Variants in ZNF462 observed in about 807,000 individuals in gnomAD.
ZNF462 encodes zinc finger protein 462.
In ZNF462, 10 loss-of-function variants were observed where a neutral mutation model predicts 201.9. The observed-to-expected ratio is 0.05, with a 90% confidence interval of 0.03 to 0.08. The LOEUF is 0.08. Ranked by LOEUF, ZNF462 falls within the 10% of genes least tolerant of loss-of-function variation. The pLI is 1.00. For missense variants in ZNF462, 2,523 were observed against 3,168.3 expected (o/e 0.80, Z 4.89); for synonymous variants, 1,227 against 1,193.3 (o/e 1.03, Z -0.58).
intron 7 of ZNF462, among the ~76,000 whole-genome samples, chr9:106,945,513 A>G (rs1320405133): frequency 6.6e-6 from 1 of 152,214 alleles, no homozygotes; most frequent in African/African-American, 2.4e-5. Context: ...TTTCTTTAAA[A>G]ACGACAATCA....
rs1166184523 is a variant in ZNF462, at chr9:106,963,652, A to G, written c.6428-8353A>G. The stretch of plus-strand genomic sequence containing the variant: ...AAGTTTGTAAGGAACCTAACAGATG[A>G]TCTTGTCTAAAGGCACCTAAAAAAA... On this transcript the variant is annotated intron_variant, in intron 7 of 12. Coordinates refer to ENST00000277225, the MANE Select transcript of ZNF462 (RefSeq NM_021224.6). The surrounding 1 kb of genome is among the most constrained non-coding windows in gnomAD (Gnocchi z 4.7). 6.6e-6 allele frequency among the ~76,000 whole-genome samples: 1 copy of G among 152,090 alleles called. No homozygotes were observed. The highest frequency in any genetic ancestry group is 2.4e-5 in the African/African-American group (1 of 41,428).
intron 1 of ZNF462, among the ~76,000 whole-genome samples, chr9:106,871,687 G>T (rs1827597944): frequency 6.6e-6 from 1 of 152,152 alleles, no homozygotes; most frequent in African/African-American, 2.4e-5. Context: ...GTGACTTTGG[G>T]GTTACAATTA....
Position 106,954,848 on chromosome 9 carries a change from G to A in ZNF462, c.6427+15741G>A, listed in dbSNP as rs1222367182. 6.6e-6 allele frequency among the ~76,000 whole-genome samples: 1 copy of A among 152,148 alleles called. No individual in the cohort carries two copies. The highest frequency in any genetic ancestry group is 1.5e-5 in the Non-Finnish European group (1 of 68,026). On this transcript the variant is annotated intron_variant, in intron 7 of 12. Transcript: ENST00000277225. The surrounding 1 kb of genome is among the most constrained non-coding windows in gnomAD (Gnocchi z 4.0). ...GTCTACTGACTCCATAATATTACCAGGAGGGAGCTCTTTAGGAGCAGGGTT... is the reference window on the plus strand; with the variant it reads ...GTCTACTGACTCCATAATATTACCAAGAGGGAGCTCTTTAGGAGCAGGGTT...
In ZNF462 at chr9:106,930,980, G is replaced by A. The variant is rs1031560050; in HGVS notation, c.6012+291G>A. The A allele has an allele frequency of 2.7e-5, 8 of 291,170 alleles. No individual in the cohort carries two copies. Among genetic ancestry groups the A allele is most frequent in the African/African-American group, 6.4e-5 (3 of 47,230 alleles). 18.0% of individuals were successfully genotyped at this position (291,170 alleles called of 1,614,324 possible). On this transcript the variant is annotated intron_variant, in intron 4 of 12. Coordinates refer to ENST00000277225, the MANE Select transcript of ZNF462 (RefSeq NM_021224.6). The surrounding 1 kb of genome is among the most constrained non-coding windows in gnomAD (Gnocchi z 5.8). ...GCTTCGGGTCGTCCTTCTATTCTGC[G>A]TTTAGTGCCATTAGCTCTTCGTTCT...
chr9:106,909,096 G>A (rs1588037586), intron 1 of ZNF462, among the ~76,000 whole-genome samples: 1 of 149,792 alleles, frequency 6.7e-6, no homozygotes. Context: ...CCGAGCAGCT[G>A]GGATTATAGG....
Position 106,923,067 on chromosome 9 carries a change from A to C in ZNF462, c.-30-287A>C. Among the ~76,000 whole-genome samples, 1 of 152,242 alleles carries C rather than the reference A, an allele frequency of 6.6e-6. No homozygotes were observed. The highest frequency in any genetic ancestry group is 1.9e-4 in the East Asian group (1 of 5,202). On this transcript the variant is annotated intron_variant, in intron 1 of 12. Transcript: ENST00000277225. The surrounding 1 kb of genome is among the most constrained non-coding windows in gnomAD (Gnocchi z 5.6). ...TCAGTGGAGAAGCTCAGAAACTTCT[A>C]AAACTTTTGAAGTATTAAGCGTTTC...
At position 106,929,229 on chromosome 9, in the gene ZNF462, T is replaced by G; in HGVS notation, c.5317T>G (p.Ser1773Ala). ...AVEKKKCSLC[S>A]FQSFSKKGIV... is the part of the protein sequence containing the mutation. ...GGAGAAGAAAAAGTGCTCCTTGTGC[T>G]CTTTCCAGTCGTTCAGCAAGAAGGG... Residue 1773 changes from serine (S) to alanine (A), a missense_variant, in exon 3 of 13, where the codon TCT becomes GCT. Transcript: ENST00000277225. The surrounding 1 kb of genome is among the most constrained non-coding windows in gnomAD (Gnocchi z 8.7). 1.9e-6 allele frequency: 3 copies of G among 1,614,146 alleles called. No homozygotes were observed. The highest frequency in any genetic ancestry group is 2.5e-6 in the Non-Finnish European group (3 of 1,180,022).
intron 1 of ZNF462, among the ~76,000 whole-genome samples, chr9:106,914,239 A>AC (rs1414009319): frequency 7.2e-6 from 1 of 138,688 alleles, no homozygotes; most frequent in African/African-American, 2.5e-5. Flanking sequence ...GCCTCTGAAG[A>AC]CAGGTGGGTT....
In ZNF462 at chr9:107,011,716, G is replaced by T. The variant is rs752263623; in HGVS notation, c.*686G>T. On this transcript the variant is annotated 3_prime_UTR_variant, in exon 13 of 13. Transcript: ENST00000277225. The surrounding 1 kb of genome is among the most constrained non-coding windows in gnomAD (Gnocchi z 5.6). ...CAAATTGTGCTTAAAATCCCCATGTGGGTTTTATTTCTTAAAATACTGTGA... is the reference window on the plus strand; with the variant it reads ...CAAATTGTGCTTAAAATCCCCATGTTGGTTTTATTTCTTAAAATACTGTGA... 1.3e-5 allele frequency: 2 copies of T among 151,846 alleles called. No homozygotes were observed. Among genetic ancestry groups the T allele is most frequent in the Admixed American group, 1.3e-4 (2 of 15,238 alleles). 9.4% of individuals were successfully genotyped at this position (151,846 alleles called of 1,614,324 possible). A position where few individuals can be genotyped will look rare whatever the true frequency, so the allele number is the denominator to read the frequency against.
chr9:106,910,969 T>C (rs1829525405), intron 1 of ZNF462, among the ~76,000 whole-genome samples: 1 of 152,182 alleles, frequency 6.6e-6, no homozygotes, highest in African/African-American at 2.4e-5. Flanking sequence ...CGTCATGTCA[T>C]GGAAGAGTCT....
Position 106,950,867 on chromosome 9 carries a change from A to T in ZNF462, c.6427+11760A>T, listed in dbSNP as rs572408206. On this transcript the variant is annotated intron_variant, in intron 7 of 12. Coordinates refer to ENST00000277225, the MANE Select transcript of ZNF462 (RefSeq NM_021224.6). This position sits in a 1 kb window ranked among gnomAD's most constrained non-coding sequence, Gnocchi z 4.1. Reference sequence around the variant, plus strand: ...CACTTTGGGAGGCCAAGGCAGGCGGATTGCCTGAAGTCAGGAGTTCAAGAC... The same window carrying T: ...CACTTTGGGAGGCCAAGGCAGGCGGTTTGCCTGAAGTCAGGAGTTCAAGAC... 6.6e-6 allele frequency among the ~76,000 whole-genome samples: 1 copy of T among 152,292 alleles called. No individual in the cohort carries two copies. The highest frequency in any genetic ancestry group is 2.1e-4 in the South Asian group (1 of 4,814).
chr9:106,864,214 G>A (rs575662541), intron 1 of ZNF462, among the ~76,000 whole-genome samples: 2 of 151,732 alleles, frequency 1.3e-5, no homozygotes, highest in African/African-American at 2.4e-5. Flanking sequence ...GGAGCGGGGG[G>A]CACCGGCCGG....
chr9:106,964,134 G>C lies in ZNF462; in HGVS notation c.6428-7871G>C, dbSNP rs192106986. Among the ~76,000 whole-genome samples, 402 of 151,746 alleles carry C rather than the reference G, an allele frequency of 2.6e-3. 3 individuals carry two copies. Among genetic ancestry groups the C allele is most frequent in the African/African-American group, 9.4e-3 (390 of 41,356 alleles). Reference sequence around the variant, plus strand: ...TGTAACTAATGCTGTAGTGAACATGGGAGTACATATCTCTTCAAGATCTTA... The same window carrying C: ...TGTAACTAATGCTGTAGTGAACATGCGAGTACATATCTCTTCAAGATCTTA... On this transcript the variant is annotated intron_variant, in intron 7 of 12. Coordinates refer to ENST00000277225, the MANE Select transcript of ZNF462 (RefSeq NM_021224.6).
At chr9:106,861,751 G>A (rs989678457), upstream of ZNF462, among the ~76,000 whole-genome samples, 1 of 152,170 alleles carries the variant, frequency 6.6e-6, no homozygotes, top group African/African-American at 2.4e-5. Context: ...GGTGGTGGAG[G>A]GGGGGAACCA....
chr9:107,003,389 C>T lies in ZNF462; in HGVS notation c.7152C>T (p.Asp2384=). 1.9e-6 allele frequency: 3 copies of T among 1,613,688 alleles called. No individual in the cohort carries two copies. Among genetic ancestry groups the T allele is most frequent in the Non-Finnish European group, 2.5e-6 (3 of 1,179,806 alleles). Residue 2384 remains aspartate, a synonymous_variant, in exon 11 of 13, where the codon GAC becomes GAT. Coordinates refer to ENST00000277225, the MANE Select transcript of ZNF462 (RefSeq NM_021224.6). The surrounding 1 kb of genome is among the most constrained non-coding windows in gnomAD (Gnocchi z 4.4). ...KMESSSSDDE[D]KEEEMNSKAE... is the part of the protein sequence containing the mutation. ...AGAGCTCCAGCAGCGATGATGAGGA[C>T]AAGGAAGAAGAAATGAACAGCAAGG...
At chr9:106,861,656 CATTG>C (rs2130716434), upstream of ZNF462, among the ~76,000 whole-genome samples, 3 of 152,342 alleles carry the variant, frequency 2.0e-5, no homozygotes, top group South Asian at 6.2e-4. Context: ...TGACTTGCTG[CATTG>C]ATTTTTTTGA....
intron 9 of ZNF462, among the ~76,000 whole-genome samples, chr9:106,980,109 CT>C: frequency 6.6e-6 from 1 of 152,228 alleles, no homozygotes; most frequent in South Asian, 2.1e-4. Flanking sequence ...ATACCTTTGC[CT>C]GATAGAATTA....
chr9:106,929,381 A>C lies in ZNF462; in HGVS notation c.5469A>C (p.Glu1823Asp). Residue 1823 changes from glutamate (E) to aspartate (D), a missense_variant, in exon 3 of 13, where the codon GAA becomes GAC. This residue lies in a region of ZNF462 where 207 missense variants were observed against 231.6 expected (regional missense o/e 0.89). Coordinates refer to ENST00000277225, the MANE Select transcript of ZNF462 (RefSeq NM_021224.6). The surrounding 1 kb of genome is among the most constrained non-coding windows in gnomAD (Gnocchi z 8.7). ...DEHEKPTLME[E>D]EERGNFEKAE... ...ATGAGAAGCCCACACTGATGGAAGA[A>C]GAGGAGAGAGGCAACTTTGAGAAAG... 1.2e-6 allele frequency: 2 copies of C among 1,614,136 alleles called. No individual in the cohort carries two copies. The highest frequency in any genetic ancestry group is 1.6e-4 in the Middle Eastern group (1 of 6,062).
Position 106,984,052 on chromosome 9 carries a change from TG to T in ZNF462, c.6833-133del. 1 of 731,374 alleles carries T rather than the reference TG, an allele frequency of 1.4e-6. No homozygotes were observed. The highest frequency in any genetic ancestry group is 2.3e-6 in the Non-Finnish European group (1 of 444,272). The allele number at this position is 731,374 out of a possible 1,614,324, so 45.3% of individuals were successfully genotyped here. On this transcript the variant is annotated intron_variant, in intron 9 of 12. Transcript: ENST00000277225. This position sits in a 1 kb window ranked among gnomAD's most constrained non-coding sequence, Gnocchi z 6.4. ...GGGGTTAGGGGAGGGGCAGGGTGCA[TG>T]TGTGTCAGTTCAAGGAACCAGATCC...
Sources: gnomAD v4.1 joint callset for allele counts (sites outside exome capture counted in the v4.1 genomes callset) on GRCh38, gnomAD v4.1.1 for gene constraint, gnomAD v4.1.1 regional missense constraint, Gnocchi (gnomAD v3.1) non-coding constraint, MANE v1.5 for transcripts, NCBI Gene and HGNC (gene_info 2026-07-23, HGNC 2026-07-21) for gene names.